The following ZNF804B variants were observed in gnomAD, a reference collection of about 807,000 sequenced individuals.
ZNF804B encodes the protein zinc finger protein 804B.
ZNF804B carries 80 observed loss-of-function variants against 101.4 expected under a neutral mutation model. The observed-to-expected ratio is 0.79, with a 90% CI of 0.66 to 0.95. The LOEUF (loss-of-function observed/expected upper bound fraction) is 0.95. Ranked by LOEUF, ZNF804B falls within the 40% of genes least tolerant of loss-of-function variation. ZNF804B has a pLI of 0.00. For missense variants in ZNF804B, 1,673 were observed against 1,561.9 expected, an observed-to-expected ratio of 1.07 and a Z score of -1.20; for synonymous variants, 622 against 558.8, an observed-to-expected ratio of 1.11 and a Z score of -1.59.
chr7:88,980,816 G>T (rs1299132035), intron 1 of ZNF804B, among the ~76,000 whole-genome samples: 1 of 151,972 alleles, frequency 6.6e-6, no homozygotes, highest in Non-Finnish European at 1.5e-5. Context: ...CCACTGCCTT[G>T]CTACTGCTGA....
intron 2 of ZNF804B, among the ~76,000 whole-genome samples, chr7:89,283,903 C>T (rs1221363772): frequency 6.6e-6 from 1 of 151,860 alleles, no homozygotes; most frequent in African/African-American, 2.4e-5. Flanking sequence ...AAGTCTCAGA[C>T]ATACTATGTA....
intron 2 of ZNF804B, among the ~76,000 whole-genome samples, chr7:89,222,645 G>A (rs1396154922): frequency 6.6e-6 from 1 of 151,688 alleles, no homozygotes; most frequent in Non-Finnish European, 1.5e-5. Context: ...GCTCATCTTG[G>A]ATCATTATCT....
intron 1 of ZNF804B, among the ~76,000 whole-genome samples, chr7:88,949,781 C>T (rs562342932): frequency 3.9e-5 from 6 of 151,946 alleles, no homozygotes; most frequent in African/African-American, 1.4e-4. Context: ...TTTTACTGTT[C>T]CTTATGTTTA....
chr7:88,834,219 A>G lies in ZNF804B; in HGVS notation c.108+74135A>G, dbSNP rs940897401. On this transcript the variant is annotated intron_variant, in intron 1 of 3. Transcript: ENST00000333190. Reference sequence around the variant, plus strand: ...ACACAAAATGCCTTTATAGGTAACTATTATTTTAACCAAATGTAATAATAT... The same window carrying G: ...ACACAAAATGCCTTTATAGGTAACTGTTATTTTAACCAAATGTAATAATAT... Among the ~76,000 whole-genome samples the G allele has an allele frequency of 3.3e-5, 5 of 151,896 alleles. No individual in the cohort carries two copies. In the East Asian group the frequency reaches 9.6e-4, roughly 29 times the overall value.
intron 1 of ZNF804B, among the ~76,000 whole-genome samples, chr7:88,892,570 A>G (rs978017402): frequency 6.6e-6 from 1 of 152,072 alleles, no homozygotes; most frequent in Non-Finnish European, 1.5e-5. Flanking sequence ...CATTTGCCTC[A>G]TTGCAGACTT....
chr7:89,334,995 A>G lies in ZNF804B; in HGVS notation c.2013A>G (p.Lys671=), dbSNP rs1791053449. The G allele has an allele frequency of 6.2e-7, 1 of 1,613,794 alleles. No homozygotes were observed. Among genetic ancestry groups the G allele is most frequent in the Admixed American group, 1.7e-5 (1 of 59,916 alleles). The part of the protein sequence containing the change: ...CTVGGHSDHG[K]DFSVILKSNH... The stretch of plus-strand genomic sequence containing the variant: ...TAGGGGGTCACAGTGACCATGGGAA[A>G]GACTTCAGTGTAATTTTGAAGAGTA... Residue 671 remains lysine (K), a synonymous_variant, in exon 4 of 4, where the codon AAA becomes AAG. Transcript: ENST00000333190.
chr7:89,224,751 TATGA>T (rs1344892144), intron 2 of ZNF804B, among the ~76,000 whole-genome samples: 1,887 of 91,558 alleles, frequency 0.021, 30 homozygotes, highest in African/African-American at 0.07. Context: ...TGTGTGTGTG[TATGA>T]GTGTGTGTGT....
chr7:89,162,778 A>G (rs1791086508), intron 1 of ZNF804B, among the ~76,000 whole-genome samples: 1 of 147,276 alleles, frequency 6.8e-6, no homozygotes, highest in Non-Finnish European at 1.5e-5. Flanking sequence ...AGCATTAGGT[A>G]TATCTCCCAA....
At chr7:89,146,982 T>C (rs750193141) in intron 1 of ZNF804B, among the ~76,000 whole-genome samples, 25 of 151,452 alleles carry the variant, frequency 1.7e-4, no homozygotes, top group Middle Eastern at 3.4e-3. Context: ...TGAGCCAAGA[T>C]TGCGCCACTG....
intron 3 of ZNF804B, among the ~76,000 whole-genome samples, chr7:89,332,785 T>C (rs1415844002): frequency 3.3e-5 from 5 of 151,856 alleles, no homozygotes; most frequent in Non-Finnish European, 5.9e-5. Flanking sequence ...AGATTGTACA[T>C]ATGTCTTATT....
intron 1 of ZNF804B, among the ~76,000 whole-genome samples, chr7:88,873,910 T>A (rs1791881454): frequency 6.6e-6 from 1 of 152,160 alleles, no homozygotes; most frequent in South Asian, 2.1e-4. Flanking sequence ...GCATGATGCC[T>A]CCAGCTTTGT....
chr7:89,065,422 G>A (rs561882043), intron 1 of ZNF804B, among the ~76,000 whole-genome samples: 8 of 152,204 alleles, frequency 5.3e-5, no homozygotes, highest in African/African-American at 1.7e-4. Flanking sequence ...TGGATGCATC[G>A]TATGTATTTT....
intron 1 of ZNF804B, among the ~76,000 whole-genome samples, chr7:89,083,187 G>A (rs1789722761): frequency 6.6e-6 from 1 of 151,626 alleles, no homozygotes; most frequent in Non-Finnish European, 1.5e-5. Context: ...TTGAAATTCT[G>A]CTAATTAACC....
At chr7:89,053,011 C>T (rs543936298) in intron 1 of ZNF804B, among the ~76,000 whole-genome samples, 1 of 152,160 alleles carries the variant, frequency 6.6e-6, no homozygotes, top group Non-Finnish European at 1.5e-5. Flanking sequence ...TCTTCTTTAA[C>T]ATTAAATCGT....
At chr7:89,307,280 A>C (rs1790580177) in intron 2 of ZNF804B, among the ~76,000 whole-genome samples, 1 of 152,046 alleles carries the variant, frequency 6.6e-6, no homozygotes, top group Non-Finnish European at 1.5e-5. Flanking sequence ...CCATGCATAG[A>C]ATATTAGAAA....
chr7:88,794,814 C>G (rs769458675), intron 1 of ZNF804B: 1 of 1,613,700 alleles, frequency 6.2e-7, no homozygotes, highest in Admixed American at 1.7e-5. Context: ...GAAGGAATTT[C>G]TTTAGGTGTA....
At chr7:88,847,789 AG>A (rs1791397526) in intron 1 of ZNF804B, among the ~76,000 whole-genome samples, 1 of 152,192 alleles carries the variant, frequency 6.6e-6, no homozygotes, top group African/African-American at 2.4e-5. Flanking sequence ...TTCCTTAAGT[AG>A]TGACACCTAA....
At chr7:88,867,293 G>C (rs1583985557) in intron 1 of ZNF804B, among the ~76,000 whole-genome samples, 1 of 152,326 alleles carries the variant, frequency 6.6e-6, no homozygotes, top group African/African-American at 2.4e-5. Flanking sequence ...GAGAACCAGG[G>C]AAGCCAGTTG....
At chr7:89,193,120 T>A (rs1562910863) in intron 1 of ZNF804B, among the ~76,000 whole-genome samples, 1 of 151,904 alleles carries the variant, frequency 6.6e-6, no homozygotes, top group African/African-American at 2.4e-5. Flanking sequence ...CCACTCCTAT[T>A]CAGCATAGTA....
Sources: allele counts gnomAD v4.1 joint callset (sites outside exome capture counted in the v4.1 genomes callset), GRCh38; gene constraint gnomAD v4.1.1; transcripts MANE v1.5; gene names NCBI Gene and HGNC (gene_info 2026-07-23, HGNC 2026-07-21).